The following SMARCA1 variants were observed in gnomAD, a reference collection of about 807,000 sequenced individuals.
SMARCA1 encodes the protein SNF2 related chromatin remodeling ATPase 1.
In SMARCA1, 17 loss-of-function variants were observed where a neutral mutation model predicts 93.6. That is an observed-to-expected ratio of 0.18 (90% confidence interval 0.12 to 0.27). SMARCA1 has a LOEUF of 0.27. Ranked by LOEUF, SMARCA1 falls within the 10% of genes least tolerant of loss-of-function variation. The pLI is 1.00. For missense variants in SMARCA1, 630 were observed against 819.0 expected, an observed-to-expected ratio of 0.77 and a Z score of 2.82; for synonymous variants, 271 against 271.4, an observed-to-expected ratio of 1.00 and a Z score of 0.01.
intron 23 of SMARCA1, among the ~76,000 whole-genome samples, chrX:129,456,710 T>C (rs1005590972): frequency 3.6e-5 from 4 of 111,725 alleles, no homozygotes; most frequent in Non-Finnish European, 5.6e-5. Context: ...GTGGTGGAAA[T>C]AGCAAGAGAA....
At chrX:129,485,731 A>C (rs1280250653) in intron 17 of SMARCA1, among the ~76,000 whole-genome samples, 2 of 111,252 alleles carry the variant, frequency 1.8e-5, no homozygotes, top group African/African-American at 6.6e-5. Context: ...TCCTCGAGGT[A>C]ATGAGTGAGT....
intron 19 of SMARCA1, among the ~76,000 whole-genome samples, chrX:129,477,847 A>G (rs772298718): frequency 9.0e-6 from 1 of 110,528 alleles, no homozygotes; most frequent in East Asian, 2.8e-4. Flanking sequence ...TCTAAAGCTA[A>G]AGTTCAACCT....
At chrX:129,481,961 G>C in intron 17 of SMARCA1, among the ~76,000 whole-genome samples, 1 of 102,579 alleles carries the variant, frequency 9.7e-6, no homozygotes, top group South Asian at 4.7e-4. Context: ...ACTGGATTAA[G>C]AAAATGTGGC....
At chrX:129,464,055 G>A (rs894534459) in intron 23 of SMARCA1, among the ~76,000 whole-genome samples, 1 of 112,205 alleles carries the variant, frequency 8.9e-6, no homozygotes, top group African/African-American at 3.2e-5. Context: ...TCATGGCTTG[G>A]TCTAAAATAT....
chrX:129,481,956 A>T (rs1933683431), intron 17 of SMARCA1, among the ~76,000 whole-genome samples: 1 of 104,164 alleles, frequency 9.6e-6, no homozygotes, highest in Non-Finnish European at 2.0e-5. Flanking sequence ...GATAGACTGG[A>T]TTAAGAAAAT....
chrX:129,448,516 C>G, intron 23 of SMARCA1, 73 bp from the exon 24 acceptor site: 1 of 931,989 alleles, frequency 1.1e-6, no homozygotes, highest in Non-Finnish European at 1.5e-6. Flanking sequence ...AACTATTTAA[C>G]TGTATGATTT....
intron 23 of SMARCA1, among the ~76,000 whole-genome samples, chrX:129,458,474 C>T (rs1932736611): frequency 8.9e-6 from 1 of 112,069 alleles, no homozygotes; most frequent in Non-Finnish European, 1.9e-5. Flanking sequence ...GGATATGTAT[C>T]TCTACCTTTA....
At chrX:129,455,714 C>T (rs1251240374) in intron 23 of SMARCA1, among the ~76,000 whole-genome samples, 2 of 111,952 alleles carry the variant, frequency 1.8e-5, no homozygotes, top group Non-Finnish European at 3.8e-5. Flanking sequence ...TCAAACCAGC[C>T]ACAACATTCC....
At chrX:129,456,049 C>T (rs1159085896) in intron 23 of SMARCA1, among the ~76,000 whole-genome samples, 3 of 111,789 alleles carry the variant, frequency 2.7e-5, no homozygotes, top group Non-Finnish European at 3.8e-5. Flanking sequence ...AGAGGAAAAG[C>T]GGATGCCCAG....
intron 16 of SMARCA1, among the ~76,000 whole-genome samples, chrX:129,488,312 TA>T (rs1255852096): frequency 1.0e-5 from 1 of 97,514 alleles, no homozygotes; most frequent in Admixed American, 1.1e-4. Context: ...AAAAAGATTA[TA>T]AAAATACAGT....
intron 24 of SMARCA1, 39 bp downstream of exon 24, chrX:129,448,294 G>A: frequency 8.6e-7 from 1 of 1,167,967 alleles, no homozygotes; most frequent in Non-Finnish European, 1.2e-6. Flanking sequence ...TAAAAAAATG[G>A]GATCTACCTA....
intron 7 of SMARCA1, among the ~76,000 whole-genome samples, chrX:129,506,477 T>C (rs1264965341): frequency 1.8e-5 from 2 of 109,658 alleles, no homozygotes; most frequent in African/African-American, 6.7e-5. Context: ...ACCTCAGGTC[T>C]GGGGTTTGAG....
Position 129,475,149 on chromosome X carries a change from AT to A in SMARCA1, c.2443-3824del, listed in dbSNP as rs200947687. Among the ~76,000 whole-genome samples the A allele has an allele frequency of 2.0e-3, 209 of 102,564 alleles. 1 individual carries two copies. The highest frequency in any genetic ancestry group is 0.01 in the Middle Eastern group (2 of 191). 89.1% of individuals were successfully genotyped at this position (102,564 alleles called of 115,157 possible). A position where few individuals can be genotyped will look rare whatever the true frequency, so the allele number is the denominator to read the frequency against. ...TAGTCATCATTTTAATAAGACATAC[AT>A]TTTTTTTTTTTTACCTCATGAGGTT... is the stretch of plus-strand genomic sequence containing the variant. On this transcript the variant is annotated intron_variant, in intron 19 of 24. Transcript: ENST00000371121.
rs188561677 is a variant in SMARCA1 at position 129,485,288 on chromosome X, T to C, written c.2217+1730A>G. Among the ~76,000 whole-genome samples, 68 of 112,409 alleles carry C rather than the reference T, an allele frequency of 6.0e-4. 1 individual carries two copies. Among genetic ancestry groups the C allele is most frequent in the South Asian group, 2.2e-3 (6 of 2,700 alleles). On this transcript the variant is annotated intron_variant, in intron 17 of 24. Coordinates refer to ENST00000371121, the MANE Select transcript of SMARCA1 (RefSeq NM_001282874.2). ...GGAAACAGAGTCAAGGGAGATCATT[T>C]TGGAGCTTTAATGCTGGGTTTTGGA...
intron 7 of SMARCA1, among the ~76,000 whole-genome samples, chrX:129,506,952 T>C (rs1950755358): frequency 9.0e-6 from 1 of 110,970 alleles, no homozygotes; most frequent in African/African-American, 3.3e-5. Flanking sequence ...ATTTTCCCAG[T>C]AACTTATATT....
At chrX:129,483,421 A>G (rs1933769846) in intron 17 of SMARCA1, among the ~76,000 whole-genome samples, 1 of 111,830 alleles carries the variant, frequency 8.9e-6, no homozygotes, top group South Asian at 3.7e-4. Flanking sequence ...TACCGATATT[A>G]TAATGAGATT....
Position 129,522,829 on chromosome X carries a change from G to A in SMARCA1, c.174+368C>T, listed in dbSNP as rs369247571. Among the ~76,000 whole-genome samples, 5 of 111,628 alleles carry A rather than the reference G, an allele frequency of 4.5e-5. No individual in the cohort carries two copies. The East Asian group carries it at 1.2e-3, about 26-fold the overall frequency. Reference sequence around the variant, plus strand: ...GGGGGAGAGGGAGCGAGCGAGAGGAGAGGGAGAGGCGGAGGCTTTTTCCTG... The same window carrying A: ...GGGGGAGAGGGAGCGAGCGAGAGGAAAGGGAGAGGCGGAGGCTTTTTCCTG... On this transcript the variant is annotated intron_variant, in intron 1 of 24. Transcript: ENST00000371121.
chrX:129,451,555 C>T (rs910753871), intron 23 of SMARCA1, among the ~76,000 whole-genome samples: 11 of 111,223 alleles, frequency 9.9e-5, no homozygotes, highest in African/African-American at 2.9e-4. Flanking sequence ...TTAGTTCATA[C>T]CTTCATTCCT....
chrX:129,501,907 C>A (rs1413385086), intron 9 of SMARCA1, among the ~76,000 whole-genome samples: 1 of 112,105 alleles, frequency 8.9e-6, no homozygotes, highest in Non-Finnish European at 1.9e-5. Flanking sequence ...GCCACCCTGC[C>A]CGGCCAAACA....
Sources: gnomAD v4.1 joint callset for allele counts (sites outside exome capture counted in the v4.1 genomes callset) on GRCh38, gnomAD v4.1.1 for gene constraint, MANE v1.5 for transcripts, NCBI Gene and HGNC (gene_info 2026-07-23, HGNC 2026-07-21) for gene names.